The following ENOX1 variants were observed in gnomAD, a reference collection of about 807,000 sequenced individuals.
The protein encoded by ENOX1 is ecto-NOX disulfide-thiol exchanger 1.
In ENOX1, 42 loss-of-function variants were observed where a neutral mutation model predicts 82.5. That is an observed-to-expected ratio of 0.51 (90% CI 0.40 to 0.66). ENOX1 has a LOEUF of 0.66. Among genes scored for constraint, ENOX1 ranks in the 30% least tolerant of loss-of-function variants. The probability of loss-of-function intolerance (pLI) is 0.00; values close to 1 mark genes in which losing one functional copy is unlikely to be tolerated. For missense variants in ENOX1, 608 were observed against 811.6 expected (o/e 0.75, Z 3.05); for synonymous variants, 271 against 282.2 (o/e 0.96, Z 0.40).
chr13:43,648,040 A>T (rs2083978587), intron 2 of ENOX1, among the ~76,000 whole-genome samples: 1 of 152,156 alleles, frequency 6.6e-6, no homozygotes, highest in Non-Finnish European at 1.5e-5. Flanking sequence ...TGACACTTTG[A>T]TTTGAGCCCA....
intron 2 of ENOX1, among the ~76,000 whole-genome samples, chr13:43,599,992 A>T (rs2081632968): frequency 6.6e-6 from 1 of 151,938 alleles, no homozygotes; most frequent in Non-Finnish European, 1.5e-5. Flanking sequence ...ACTAAAGAGC[A>T]CTTTGACCCT....
At chr13:43,220,356 G>A (rs888665215) in intron 16 of ENOX1, among the ~76,000 whole-genome samples, 7 of 152,152 alleles carry the variant, frequency 4.6e-5, no homozygotes, top group Non-Finnish European at 8.8e-5. Flanking sequence ...GCATGGACTC[G>A]AGGGTACCTT....
chr13:43,242,557 A>G (rs1036659083), intron 14 of ENOX1, among the ~76,000 whole-genome samples: 1 of 152,232 alleles, frequency 6.6e-6, no homozygotes, highest in South Asian at 2.1e-4. Flanking sequence ...AGAGGTGGCC[A>G]TGAGGCAGTG....
intron 12 of ENOX1, among the ~76,000 whole-genome samples, chr13:43,286,665 G>A (rs1415218178): frequency 7.9e-5 from 12 of 152,122 alleles, no homozygotes; most frequent in Admixed American, 6.5e-5. Context: ...ATTAATTAAT[G>A]GCAGAGCAGG....
At chr13:43,425,308 T>C (rs2153610047) in intron 3 of ENOX1, among the ~76,000 whole-genome samples, 1 of 152,228 alleles carries the variant, frequency 6.6e-6, no homozygotes, top group East Asian at 1.9e-4. Context: ...GAATAAATGC[T>C]GATGGAAAGG....
intron 12 of ENOX1, among the ~76,000 whole-genome samples, chr13:43,271,445 G>T (rs2044676341): frequency 6.6e-6 from 1 of 152,008 alleles, no homozygotes; most frequent in African/African-American, 2.4e-5. Context: ...GTGGGTTCAT[G>T]TATCTTTCTT....
At chr13:43,691,258 T>C (rs964110771) in intron 1 of ENOX1, among the ~76,000 whole-genome samples, 1 of 152,116 alleles carries the variant, frequency 6.6e-6, no homozygotes, top group African/African-American at 2.4e-5. Flanking sequence ...AAGTCTTTCA[T>C]CTGCCTCTGT....
At chr13:43,748,489 A>T (rs958243541) in intron 1 of ENOX1, among the ~76,000 whole-genome samples, 1 of 152,210 alleles carries the variant, frequency 6.6e-6, no homozygotes, top group Non-Finnish European at 1.5e-5. Context: ...TGTATGAAAC[A>T]GTCTGATTTG....
At chr13:43,591,609 T>C (rs1426542222) in intron 2 of ENOX1, among the ~76,000 whole-genome samples, 3 of 152,204 alleles carry the variant, frequency 2.0e-5, no homozygotes, top group Non-Finnish European at 2.9e-5. Context: ...TTTGTCTTTC[T>C]AGTCTTATAA....
intron 2 of ENOX1, among the ~76,000 whole-genome samples, chr13:43,567,504 A>T (rs1031504154): frequency 6.6e-6 from 1 of 151,712 alleles, no homozygotes; most frequent in Non-Finnish European, 1.5e-5. Flanking sequence ...GAACTTTGTT[A>T]AAAAAAGATA....
At chr13:43,275,760 C>T (rs1436584098) in intron 12 of ENOX1, among the ~76,000 whole-genome samples, 1 of 152,172 alleles carries the variant, frequency 6.6e-6, no homozygotes, top group East Asian at 1.9e-4. Flanking sequence ...GTGAAAGATA[C>T]AGAGGAAACA....
At chr13:43,367,657 A>G (rs187289934) in intron 5 of ENOX1, among the ~76,000 whole-genome samples, 10 of 147,666 alleles carry the variant, frequency 6.8e-5, no homozygotes, top group Middle Eastern at 3.4e-3. Context: ...CTGCAAGACA[A>G]TATGTTTCTG....
intron 11 of ENOX1, among the ~76,000 whole-genome samples, chr13:43,301,550 A>C (rs1391215720): frequency 6.9e-6 from 1 of 144,374 alleles, no homozygotes; most frequent in African/African-American, 2.5e-5. Context: ...TCATCATATT[A>C]AAAAAACCCA....
At chr13:43,461,239 C>T (rs1416750263) in intron 3 of ENOX1, among the ~76,000 whole-genome samples, 1 of 152,196 alleles carries the variant, frequency 6.6e-6, no homozygotes, top group Non-Finnish European at 1.5e-5. Context: ...CTAGCAAGAG[C>T]TGTTTAAAGC....
At position 43,578,021 on chromosome 13, in the gene ENOX1, A is replaced by C. The variant is rs190856596; in HGVS notation, c.-219+89458T>G. Among the ~76,000 whole-genome samples the C allele has an allele frequency of 7.9e-5, 12 of 152,282 alleles. No individual in the cohort carries two copies. The East Asian group carries it at 2.1e-3, about 27-fold the overall frequency. Reference sequence around the variant, plus strand: ...AGAATGGGATCCAGAGGCTTGATCAACTCTATGGGCAATCCCACAAAATAT... The same window carrying C: ...AGAATGGGATCCAGAGGCTTGATCACCTCTATGGGCAATCCCACAAAATAT... On this transcript the variant is annotated intron_variant, in intron 2 of 16. Transcript: ENST00000690772.
At chr13:43,476,099 A>C (rs2058271967) in intron 3 of ENOX1, among the ~76,000 whole-genome samples, 2 of 152,190 alleles carry the variant, frequency 1.3e-5, no homozygotes, top group Admixed American at 6.6e-5. Context: ...TAGAAACTTT[A>C]ATATCTCTCC....
chr13:43,401,203 T>C (rs768022778), intron 5 of ENOX1, among the ~76,000 whole-genome samples: 20 of 152,330 alleles, frequency 1.3e-4, no homozygotes, highest in Middle Eastern at 3.4e-3. Flanking sequence ...CCCTAGGCAA[T>C]ACATACATTC....
At chr13:43,710,146 A>T (rs904284786) in intron 1 of ENOX1, among the ~76,000 whole-genome samples, 21 of 152,274 alleles carry the variant, frequency 1.4e-4, no homozygotes, top group African/African-American at 5.1e-4. Context: ...ATAGGAGGGG[A>T]GAGGAAAAAG....
intron 8 of ENOX1, among the ~76,000 whole-genome samples, chr13:43,345,966 T>C (rs1327945583): frequency 1.3e-5 from 2 of 152,152 alleles, no homozygotes; most frequent in Non-Finnish European, 2.9e-5. Flanking sequence ...CATATAAACA[T>C]ACATACACTC....
Sources: gnomAD v4.1 joint callset for allele counts (sites outside exome capture counted in the v4.1 genomes callset) on GRCh38, gnomAD v4.1.1 for gene constraint, MANE v1.5 for transcripts, NCBI Gene and HGNC (gene_info 2026-07-23, HGNC 2026-07-21) for gene names.